MECOM: variants seen among roughly 807,000 people sequenced by gnomAD.
The protein encoded by MECOM is MDS1 and EVI1 complex locus.
In MECOM, 13 loss-of-function variants were observed where a neutral mutation model predicts 116.3. The observed-to-expected ratio is 0.11, with a 90% confidence interval of 0.07 to 0.18. The LOEUF (loss-of-function observed/expected upper bound fraction) is 0.18, where lower values mean the gene tolerates loss of function less well. Among genes scored for constraint, MECOM ranks in the 10% least tolerant of loss-of-function variants. The probability of loss-of-function intolerance (pLI) is 1.00; values close to 1 mark genes in which losing one functional copy is unlikely to be tolerated. For missense variants in MECOM, 1,299 were observed against 1,509.0 expected (o/e 0.86, Z 2.31); for synonymous variants, 528 against 535.2 (o/e 0.99, Z 0.19).
chr3:169,378,576 AAG>A lies in MECOM; in HGVS notation c.375+2609_375+2610del, dbSNP rs1159825029. ...AAAGAAAGAAAGAAAGAAAGAAAGAAAGAAAGAAAGTAAGTAAGTAAGTTTGG... is the reference window on the plus strand; with the variant it reads ...AAAGAAAGAAAGAAAGAAAGAAAGAAAAAGAAAGTAAGTAAGTAAGTTTGG... On this transcript the variant is annotated intron_variant, in intron 2 of 16. Transcript: ENST00000651503. Among the ~76,000 whole-genome samples the A allele has an allele frequency of 5.9e-4, 51 of 86,508 alleles. 6 individuals are homozygous for A. The highest frequency in any genetic ancestry group is 1.0e-3 in the Admixed American group (9 of 8,760). 56.8% of individuals were successfully genotyped at this position (86,508 alleles called of 152,430 possible).
intron 2 of MECOM, among the ~76,000 whole-genome samples, chr3:169,245,615 T>C (rs767206862): frequency 1.8e-4 from 27 of 152,190 alleles, no homozygotes; most frequent in Non-Finnish European, 3.5e-4. Context: ...TTTTAGACCC[T>C]AGTGGAGAAC....
intron 2 of MECOM, among the ~76,000 whole-genome samples, chr3:169,228,975 A>G (rs1300885675): frequency 2.0e-5 from 3 of 152,214 alleles, no homozygotes; most frequent in African/African-American, 4.8e-5. Context: ...GATGTTATTC[A>G]AAGCTTTTAA....
At chr3:169,208,461 A>C (rs1750254094) in intron 2 of MECOM, among the ~76,000 whole-genome samples, 1 of 151,934 alleles carries the variant, frequency 6.6e-6, no homozygotes, top group Admixed American at 6.6e-5. Flanking sequence ...CAAGCAGTCA[A>C]GTTACTAGTA....
chr3:169,581,315 T>A (rs1050927579), intron 1 of MECOM, among the ~76,000 whole-genome samples: 11 of 152,282 alleles, frequency 7.2e-5, no homozygotes, highest in African/African-American at 2.6e-4. Context: ...CTTCTTTACC[T>A]ACTGCTTCCA....
At chr3:169,530,861 A>G (rs2109143393) in intron 1 of MECOM, among the ~76,000 whole-genome samples, 1 of 152,096 alleles carries the variant, frequency 6.6e-6, no homozygotes, top group Admixed American at 6.5e-5. Flanking sequence ...AATAGTAAAA[A>G]TATTACCTAC....
At position 169,594,174 on chromosome 3, in the gene MECOM, A is replaced by AAAAAAAAC. The variant is rs1255613781; in HGVS notation, c.37+69161_37+69162insGTTTTTTT. On this transcript the variant is annotated intron_variant, in intron 1 of 16. Coordinates refer to ENST00000651503, the MANE Select transcript of MECOM (RefSeq NM_004991.4). ...CACCACAAAAAAAAAAAAAAAAAAA[A>AAAAAAAAC]AACACCTTTTCACCTAAGTACCTCA... Among the ~76,000 whole-genome samples the AAAAAAAAC allele has an allele frequency of 8.5e-3, 1,073 of 125,770 alleles. 45 individuals carry two copies. The highest frequency in any genetic ancestry group is 0.033 in the African/African-American group (1,016 of 30,934). The allele number at this position is 125,770 out of a possible 152,430, so 82.5% of individuals were successfully genotyped here. A position where few individuals can be genotyped will look rare whatever the true frequency, so the allele number is the denominator to read the frequency against.
chr3:169,168,151 T>C (rs1743880747), intron 2 of MECOM, among the ~76,000 whole-genome samples: 1 of 152,146 alleles, frequency 6.6e-6, no homozygotes, highest in Non-Finnish European at 1.5e-5. Context: ...ATGCTTTAGA[T>C]TGTGGAGATA....
intron 2 of MECOM, among the ~76,000 whole-genome samples, chr3:169,224,803 C>A (rs1752539618): frequency 6.6e-6 from 1 of 152,178 alleles, no homozygotes; most frequent in Non-Finnish European, 1.5e-5. Context: ...TGAAAAGCCC[C>A]ATGGGCTGTA....
chr3:169,142,180 GA>G, intron 3 of MECOM, among the ~76,000 whole-genome samples: 1 of 151,782 alleles, frequency 6.6e-6, no homozygotes, highest in South Asian at 2.1e-4. Flanking sequence ...AATATTAAAT[GA>G]AAAAATGGCT....
intron 1 of MECOM, among the ~76,000 whole-genome samples, chr3:169,432,898 T>C (rs961959932): frequency 3.3e-5 from 5 of 152,222 alleles, no homozygotes; most frequent in African/African-American, 9.6e-5. Flanking sequence ...TCAGGCTTAA[T>C]TAAATAAAGA....
chr3:169,217,018 A>G (rs1751503103), intron 2 of MECOM, among the ~76,000 whole-genome samples: 1 of 152,210 alleles, frequency 6.6e-6, no homozygotes, highest in South Asian at 2.1e-4. Flanking sequence ...TACCATAGAG[A>G]ACAACCGACA....
chr3:169,146,784 CAAAAT>C (rs1740072262), intron 2 of MECOM: 2 of 1,144,702 alleles, frequency 1.7e-6, no homozygotes, highest in Non-Finnish European at 2.2e-6. Flanking sequence ...TCAAAATAAA[CAAAAT>C]AAAATAATCA....
intron 1 of MECOM, among the ~76,000 whole-genome samples, chr3:169,497,683 T>C (rs1271037896): frequency 6.6e-6 from 1 of 152,186 alleles, no homozygotes; most frequent in Admixed American, 6.6e-5. Context: ...TAATTCATCC[T>C]GCATACCTTT....
chr3:169,514,669 G>A (rs1284088770), intron 1 of MECOM, among the ~76,000 whole-genome samples: 1 of 152,146 alleles, frequency 6.6e-6, no homozygotes, highest in Non-Finnish European at 1.5e-5. Flanking sequence ...GCATGCGATA[G>A]GACAGTTGCT....
chr3:169,131,975 G>T lies in MECOM; in HGVS notation c.511-444C>A, dbSNP rs995351099. On this transcript the variant is annotated intron_variant, in intron 3 of 16. Coordinates refer to ENST00000651503, the MANE Select transcript of MECOM (RefSeq NM_004991.4). Reference sequence around the variant, plus strand: ...ACTTAAGCAAGTTTGCAAAAGTAGCGCCTTCTCAACAACGTGTTTGGAAGG... The same window carrying T: ...ACTTAAGCAAGTTTGCAAAAGTAGCTCCTTCTCAACAACGTGTTTGGAAGG... The T allele has an allele frequency of 9.1e-6, 9 of 993,470 alleles. No homozygotes were observed. In the Admixed American group the frequency reaches 4.5e-4, roughly 49 times the overall value. 61.5% of individuals were successfully genotyped at this position (993,470 alleles called of 1,614,324 possible). A position where few individuals can be genotyped will look rare whatever the true frequency, so the allele number is the denominator to read the frequency against.
At chr3:169,242,944 GAAATT>G (rs1433905713) in intron 2 of MECOM, among the ~76,000 whole-genome samples, 7 of 150,952 alleles carry the variant, frequency 4.6e-5, no homozygotes, top group African/African-American at 1.7e-4. Context: ...TAAGAATGGT[GAAATT>G]AAATCTAAAT....
chr3:169,480,528 C>T (rs530646832), intron 1 of MECOM, among the ~76,000 whole-genome samples: 37 of 152,080 alleles, frequency 2.4e-4, no homozygotes, highest in Non-Finnish European at 4.3e-4. Context: ...TCACTTTGCC[C>T]GTACCATTTA....
At chr3:169,204,206 C>T (rs1217207553) in intron 2 of MECOM, among the ~76,000 whole-genome samples, 1 of 152,140 alleles carries the variant, frequency 6.6e-6, no homozygotes, top group Non-Finnish European at 1.5e-5. Context: ...CAAATTGCTG[C>T]CATTACCAAG....
intron 1 of MECOM, among the ~76,000 whole-genome samples, chr3:169,618,440 G>A (rs76457048): frequency 0.024 from 3,618 of 152,226 alleles, 149 homozygotes; most frequent in African/African-American, 0.083. Context: ...GGTGGATCAC[G>A]AGGTCAAGAG....
Sources: gnomAD v4.1 joint callset for allele counts (sites outside exome capture counted in the v4.1 genomes callset) on GRCh38, gnomAD v4.1.1 for gene constraint, MANE v1.5 for transcripts, NCBI Gene and HGNC (gene_info 2026-07-23, HGNC 2026-07-21) for gene names.